FOXP1: variants seen among roughly 807,000 people sequenced by gnomAD.
FOXP1 encodes forkhead box protein P1.
A neutral mutation model predicts 98.2 loss-of-function variants in FOXP1; 15 were observed. The ratio of observed to expected loss-of-function variants is 0.15; its 90% confidence interval spans 0.10 to 0.24. The LOEUF (loss-of-function observed/expected upper bound fraction) is 0.24. FOXP1 is among the 10% of genes least tolerant of loss of function. The pLI is 1.00. For missense variants in FOXP1, 633 were observed against 848.5 expected (o/e 0.75, Z 3.15); for synonymous variants, 371 against 314.5 (o/e 1.18, Z -1.90).
rs2057870880 is a variant in FOXP1 at position 71,110,964 on chromosome 3, G to C, written c.282+1572C>G. Among the ~76,000 whole-genome samples the C allele has an allele frequency of 1.3e-5, 2 of 152,218 alleles. 1 individual carries two copies. Among genetic ancestry groups the C allele is most frequent in the South Asian group, 4.1e-4 (2 of 4,832 alleles). ...CAAATAAGTGTTTACAGAAGGGTTA[G>C]TAAACAAGGCAGATTGTCAACTTTT... On this transcript the variant is annotated intron_variant, in intron 7 of 20. Transcript: ENST00000649528.
chr3:70,976,479 C>T (rs2037551989), intron 17 of FOXP1, among the ~76,000 whole-genome samples: 1 of 152,222 alleles, frequency 6.6e-6, no homozygotes, highest in Non-Finnish European at 1.5e-5. Context: ...GCTTTCTCTA[C>T]TAATTGGGTT....
At chr3:71,023,451 T>C (rs1172870703) in intron 11 of FOXP1, among the ~76,000 whole-genome samples, 3 of 152,224 alleles carry the variant, frequency 2.0e-5, no homozygotes, top group African/African-American at 4.8e-5. Context: ...ATTTTAGCCC[T>C]ATCTACTAAT....
intron 6 of FOXP1, among the ~76,000 whole-genome samples, chr3:71,150,631 T>C (rs2060522342): frequency 6.6e-6 from 1 of 151,900 alleles, no homozygotes; most frequent in African/African-American, 2.4e-5. Context: ...CAACAGCCAT[T>C]ACTTATTATT....
chr3:71,192,471 C>T lies in FOXP1; in HGVS notation c.180+5731G>A, dbSNP rs1576310963. 7.9e-5 allele frequency among the ~76,000 whole-genome samples: 12 copies of T among 152,266 alleles called. No individual in the cohort carries two copies. The South Asian group carries it at 2.5e-3, about 32-fold the overall frequency. ...TGGTGGTTGCTGCCAGTACAGACAC[C>T]AACAGCTATTTCTTGCAGGCATTGT... is the stretch of plus-strand genomic sequence containing the variant. On this transcript the variant is annotated intron_variant, in intron 6 of 20. Coordinates refer to ENST00000649528, the MANE Select transcript of FOXP1 (RefSeq NM_001349338.3).
At chr3:71,269,791 A>T (rs2070149691) in intron 5 of FOXP1, among the ~76,000 whole-genome samples, 1 of 152,246 alleles carries the variant, frequency 6.6e-6, no homozygotes, top group South Asian at 2.1e-4. Context: ...ATAGACAGGT[A>T]GCCAAATAAA....
chr3:71,470,570 C>G lies in FOXP1; in HGVS notation c.-168+22856G>C, dbSNP rs2089241547. On this transcript the variant is annotated intron_variant, in intron 3 of 20. Coordinates refer to ENST00000649528, the MANE Select transcript of FOXP1 (RefSeq NM_001349338.3). ...GTCTGGGCAACATGGTGAACCGCGT[C>G]TCCACCAAAAATACAAAAAATTAGC... 2.0e-5 allele frequency among the ~76,000 whole-genome samples: 3 copies of G among 152,044 alleles called. No individual in the cohort carries two copies. In the South Asian group the frequency reaches 6.2e-4, roughly 32 times the overall value.
chr3:71,476,148 A>C (rs1241678474), intron 3 of FOXP1, among the ~76,000 whole-genome samples: 2 of 152,252 alleles, frequency 1.3e-5, no homozygotes, highest in Non-Finnish European at 2.9e-5. Flanking sequence ...GGTCCACACA[A>C]TGGAAATGAC....
At chr3:71,185,114 A>C (rs566707300) in intron 6 of FOXP1, among the ~76,000 whole-genome samples, 2 of 152,264 alleles carry the variant, frequency 1.3e-5, no homozygotes, top group African/African-American at 4.8e-5. Flanking sequence ...AATTGCTTGA[A>C]CACGGGAGGC....
intron 11 of FOXP1, among the ~76,000 whole-genome samples, chr3:71,019,539 T>C (rs556858151): frequency 7.8e-4 from 119 of 152,074 alleles, no homozygotes; most frequent in Non-Finnish European, 1.2e-3. Context: ...CGACAGAACA[T>C]AGGTTTGAGT....
chr3:71,447,761 A>G (rs2086586521), intron 3 of FOXP1, among the ~76,000 whole-genome samples: 1 of 152,184 alleles, frequency 6.6e-6, no homozygotes, highest in Non-Finnish European at 1.5e-5. Flanking sequence ...ATTAAACTTG[A>G]ATACTCACCA....
intron 13 of FOXP1, among the ~76,000 whole-genome samples, chr3:70,998,612 T>G (rs2041708155): frequency 6.6e-6 from 1 of 152,210 alleles, no homozygotes; most frequent in Non-Finnish European, 1.5e-5. Flanking sequence ...TTGTACTAAC[T>G]TCTGGCCAGA....
chr3:71,031,101 T>C (rs2046807850), intron 11 of FOXP1, among the ~76,000 whole-genome samples: 1 of 152,190 alleles, frequency 6.6e-6, no homozygotes, highest in South Asian at 2.1e-4. Context: ...TATCACATCA[T>C]TTGCACAAAC....
chr3:71,231,365 A>G (rs1335094065), intron 5 of FOXP1, among the ~76,000 whole-genome samples: 1 of 152,232 alleles, frequency 6.6e-6, no homozygotes, highest in Admixed American at 6.5e-5. Context: ...CCTTATAAAT[A>G]CAATGAATCA....
chr3:71,080,998 T>A (rs550647989), intron 7 of FOXP1, among the ~76,000 whole-genome samples: 4 of 152,246 alleles, frequency 2.6e-5, no homozygotes, highest in Non-Finnish European at 4.4e-5. Context: ...ACCAGCACTT[T>A]GTCTGAAACC....
intron 4 of FOXP1, among the ~76,000 whole-genome samples, chr3:71,309,680 A>C (rs902839139): frequency 7.9e-5 from 12 of 152,232 alleles, no homozygotes; most frequent in Admixed American, 2.0e-4. Context: ...CAATGCAGTT[A>C]GAATGCAAAA....
chr3:71,566,188 C>T (rs1201743080), intron 2 of FOXP1, among the ~76,000 whole-genome samples: 2 of 152,200 alleles, frequency 1.3e-5, no homozygotes, highest in Admixed American at 6.5e-5. Flanking sequence ...GTTATGATCA[C>T]GGTAGGGAGT....
intron 3 of FOXP1, among the ~76,000 whole-genome samples, chr3:71,431,085 G>T (rs1305888962): frequency 6.6e-6 from 1 of 152,222 alleles, no homozygotes; most frequent in Admixed American, 6.5e-5. Context: ...TGAGCCGGTG[G>T]ACATGTCCCT....
intron 6 of FOXP1, among the ~76,000 whole-genome samples, chr3:71,183,323 G>C (rs140387130): frequency 6.6e-6 from 1 of 152,128 alleles, no homozygotes; most frequent in East Asian, 1.9e-4. Flanking sequence ...GTGAAAACCT[G>C]TCTCTACTAA....
intron 7 of FOXP1, among the ~76,000 whole-genome samples, chr3:71,057,829 T>A (rs2050895813): frequency 1.3e-5 from 2 of 152,140 alleles, no homozygotes; most frequent in African/African-American, 4.8e-5. Flanking sequence ...GAAATACAGC[T>A]GTGCTTGGGC....
Sources: allele counts gnomAD v4.1 joint callset (sites outside exome capture counted in the v4.1 genomes callset), GRCh38; gene constraint gnomAD v4.1.1; transcripts MANE v1.5; gene names NCBI Gene and HGNC (gene_info 2026-07-23, HGNC 2026-07-21).